STAU1: variants seen among roughly 807,000 people sequenced by gnomAD.
The protein encoded by STAU1 is staufen double-stranded RNA binding protein 1.
In STAU1, 13 loss-of-function variants were observed where a neutral mutation model predicts 62.9. That is an observed-to-expected ratio of 0.21 (90% CI 0.13 to 0.33). The LOEUF is 0.33. Ranked by LOEUF, STAU1 falls within the 10% of genes least tolerant of loss-of-function variation. The pLI is 1.00. For missense variants in STAU1, 571 were observed against 712.1 expected (o/e 0.80, Z 2.25); for synonymous variants, 269 against 265.1 (o/e 1.01, Z -0.14).
rs932682869 is a variant in STAU1 at position 49,113,523 on chromosome 20, T to A, written c.*1355A>T. On this transcript the variant is annotated 3_prime_UTR_variant, in exon 14 of 14. Transcript: ENST00000371856. Reference sequence around the variant, plus strand: ...ATTTGAGAATAAATTAACAAAAAAATTTAGTATTACCATTTATTGATGACA... The same window carrying A: ...ATTTGAGAATAAATTAACAAAAAAAATTAGTATTACCATTTATTGATGACA... 7.9e-5 allele frequency: 12 copies of A among 152,542 alleles called. No homozygotes were observed. The highest frequency in any genetic ancestry group is 2.9e-4 in the African/African-American group (12 of 41,430). 9.4% of individuals were successfully genotyped at this position (152,542 alleles called of 1,614,324 possible).
At chr20:49,165,210 A>AT (rs1382827315) in intron 3 of STAU1, among the ~76,000 whole-genome samples, 1 of 151,798 alleles carries the variant, frequency 6.6e-6, no homozygotes, top group African/African-American at 2.4e-5. Context: ...ATGCCCAGCT[A>AT]TTTTTTGTAT....
Position 49,114,762 on chromosome 20 carries a change from T to C in STAU1, c.*116A>G. The C allele has an allele frequency of 1.0e-6, 1 of 967,196 alleles. No homozygotes were observed. Among genetic ancestry groups the C allele is most frequent in the Non-Finnish European group, 1.6e-6 (1 of 615,044 alleles). 59.9% of individuals were successfully genotyped at this position (967,196 alleles called of 1,614,324 possible). A position where few individuals can be genotyped will look rare whatever the true frequency, so the allele number is the denominator to read the frequency against. On this transcript the variant is annotated 3_prime_UTR_variant, in exon 14 of 14. Transcript: ENST00000371856. ...CTTCCCTGCTGCTGCCCACATCCTT[T>C]ACCCACCGTGTCTCTCGGCCCACTG...
At chr20:49,142,461 G>T (rs1258203747) in intron 5 of STAU1, among the ~76,000 whole-genome samples, 1 of 152,042 alleles carries the variant, frequency 6.6e-6, no homozygotes, top group Non-Finnish European at 1.5e-5. Context: ...ATGTATCAAG[G>T]TTCCACGTAA....
intron 7 of STAU1, among the ~76,000 whole-genome samples, 171 bp from the exon 8 acceptor site, chr20:49,123,406 T>TA (rs1221085651): frequency 6.6e-6 from 1 of 152,224 alleles, no homozygotes; most frequent in Non-Finnish European, 1.5e-5. Flanking sequence ...TTATTTTTTT[T>TA]ATGATTGTTC....
intron 1 of STAU1, among the ~76,000 whole-genome samples, chr20:49,187,775 C>T (rs1253246922): frequency 3.9e-5 from 1 of 25,490 alleles, no homozygotes; most frequent in African/African-American, 2.4e-4. Flanking sequence ...AAGCAGGGAC[C>T]CCCCCCCCCC....
the STAU1 span, among the ~76,000 whole-genome samples, chr20:49,202,176 T>A: frequency 7.2e-6 from 1 of 139,342 alleles, no homozygotes. Flanking sequence ...GCCAACATCG[T>A]GCCACTGCAC....
chr20:49,149,802 C>A (rs1007684587), intron 5 of STAU1, among the ~76,000 whole-genome samples: 3 of 152,132 alleles, frequency 2.0e-5, no homozygotes, highest in Admixed American at 1.3e-4. Context: ...AAAAACAAAT[C>A]GCTCCTGTGC....
chr20:49,213,025 A>C, the STAU1 span, among the ~76,000 whole-genome samples: 2 of 151,862 alleles, frequency 1.3e-5, no homozygotes, highest in African/African-American at 4.8e-5. Context: ...TTTATTTTTG[A>C]GACAGGGTCT....
At chr20:49,180,333 C>G (rs370492412) in intron 1 of STAU1, among the ~76,000 whole-genome samples, 21 of 15,360 alleles carry the variant, frequency 1.4e-3, no homozygotes, top group East Asian at 0.011. Context: ...TTTTTTTTTT[C>G]CCCCCCTGGA....
At chr20:49,115,978 C>T in intron 12 of STAU1, 111 bp from the exon 13 acceptor site, 1 of 764,346 alleles carries the variant, frequency 1.3e-6, no homozygotes, top group South Asian at 1.6e-5. Flanking sequence ...CAGGTGGCAA[C>T]TTCTTCAACT....
chr20:49,153,885 C>CA, intron 4 of STAU1, 48 bp downstream of exon 4: 1 of 1,513,872 alleles, frequency 6.6e-7, no homozygotes, highest in South Asian at 1.3e-5. Flanking sequence ...AAAGATCAGA[C>CA]ACGTTTTCTC....
In STAU1 at chr20:49,154,896, C is replaced by G. The variant is rs554102136; in HGVS notation, c.206-825G>C. ...GGTCAGGAGTTCGAGACCAGCCTGG[C>G]TAACACGGTGAAACCCCGTTTCTAC... On this transcript the variant is annotated intron_variant, in intron 3 of 13. Transcript: ENST00000371856. Among the ~76,000 whole-genome samples, 378 of 151,142 alleles carry G rather than the reference C, an allele frequency of 2.5e-3. 2 individuals are homozygous for G. The highest frequency in any genetic ancestry group is 4.2e-3 in the Non-Finnish European group (284 of 67,876).
rs533018084 is a variant in STAU1 at position 49,184,592 on chromosome 20, G to A, written c.-160+3524C>T. Among the ~76,000 whole-genome samples the A allele has an allele frequency of 6.6e-5, 10 of 152,262 alleles. No homozygotes were observed. The East Asian group carries it at 1.9e-3, about 29-fold the overall frequency. ...ATTATTCAAGGACCTGCTGTAATCTGTATATACATGGACTTTCTGGCTGAA... is the reference window on the plus strand; with the variant it reads ...ATTATTCAAGGACCTGCTGTAATCTATATATACATGGACTTTCTGGCTGAA... On this transcript the variant is annotated intron_variant, in intron 1 of 13. Transcript: ENST00000371856.
At chr20:49,201,987 G>A in the STAU1 span, among the ~76,000 whole-genome samples, 59 of 152,062 alleles carry the variant, frequency 3.9e-4, no homozygotes, top group South Asian at 1.2e-3. Flanking sequence ...TTGGGAGGCC[G>A]AGGCAGGCAG....
At chr20:49,142,107 G>A (rs1600706499) in intron 5 of STAU1, among the ~76,000 whole-genome samples, 1 of 152,158 alleles carries the variant, frequency 6.6e-6, no homozygotes, top group East Asian at 1.9e-4. Flanking sequence ...TTGTTTTTGA[G>A]ATGAAGTCTC....
At position 49,148,660 on chromosome 20, in the gene STAU1, GATTTAAAC is replaced by G; in HGVS notation, c.510+2914_510+2921del. Among the ~76,000 whole-genome samples the G allele has an allele frequency of 2.0e-5, 3 of 152,324 alleles. No homozygotes were observed. In the South Asian group the frequency reaches 6.2e-4, roughly 32 times the overall value. ...GAAGAAACGCCAAAGGGCACAAGTA[GATTTAAAC>G]ACCACTCCCAGCAAAGCTCCTCAGA... On this transcript the variant is annotated intron_variant, in intron 5 of 13. Transcript: ENST00000371856.
In STAU1 at chr20:49,165,084, G is replaced by T. The variant is rs373678687; in HGVS notation, c.205+913C>A. 3.9e-5 allele frequency among the ~76,000 whole-genome samples: 6 copies of T among 152,060 alleles called. No homozygotes were observed. The East Asian group carries it at 1.2e-3, about 29-fold the overall frequency. On this transcript the variant is annotated intron_variant, in intron 3 of 13. Transcript: ENST00000371856. ...TTTTGAGACGGAGTCTTGCCTTGTT[G>T]CCCAGGCTGGAGTGCAGTGCCATGA... is the stretch of plus-strand genomic sequence containing the variant.
At chr20:49,124,294 T>C in intron 7 of STAU1, 81 bp downstream of exon 7, 1 of 1,456,936 alleles carries the variant, frequency 6.9e-7, no homozygotes, top group South Asian at 1.2e-5. Flanking sequence ...CCTTTCACCT[T>C]GGGGACAGCG....
chr20:49,177,483 C>T (rs1017282227), intron 1 of STAU1, among the ~76,000 whole-genome samples: 23 of 151,864 alleles, frequency 1.5e-4, no homozygotes, highest in African/African-American at 5.3e-4. Context: ...TCGAGACCAT[C>T]CTGGCTAACA....
Sources: allele counts gnomAD v4.1 joint callset (sites outside exome capture counted in the v4.1 genomes callset), GRCh38; gene constraint gnomAD v4.1.1; transcripts MANE v1.5; gene names NCBI Gene and HGNC (gene_info 2026-07-23, HGNC 2026-07-21).